WWOX: variants seen among roughly 807,000 people sequenced by gnomAD.
WWOX encodes the protein WW domain-containing oxidoreductase.
A neutral mutation model predicts 46.2 loss-of-function variants in WWOX; 69 were observed. That is an observed-to-expected ratio of 1.49 (90% confidence interval 1.23 to 1.82). The LOEUF (loss-of-function observed/expected upper bound fraction) is 1.82. WWOX is among the 40% of genes most tolerant of loss of function. The pLI, the probability that WWOX is intolerant of heterozygous loss-of-function variation, is 0.00. For synonymous variants in WWOX, 359 were observed against 202.6 expected (o/e 1.77, Z -6.56); for missense variants, 919 against 542.6 (o/e 1.69, Z -6.89).
intron 8 of WWOX, among the ~76,000 whole-genome samples, chr16:78,790,252 A>G (rs1177924119): frequency 6.6e-6 from 1 of 152,022 alleles, no homozygotes; most frequent in Non-Finnish European, 1.5e-5. Flanking sequence ...GTCCTGCCTC[A>G]GCCTCCCTAG....
intron 8 of WWOX, among the ~76,000 whole-genome samples, chr16:78,869,353 A>C (rs891048538): frequency 1.3e-5 from 2 of 152,182 alleles, no homozygotes; most frequent in South Asian, 2.1e-4. Flanking sequence ...TTTTCCAAGC[A>C]TCCAGACTGC....
intron 8 of WWOX, among the ~76,000 whole-genome samples, chr16:78,987,825 ACTTTCCCAC>A (rs2046810765): frequency 6.6e-6 from 1 of 152,138 alleles, no homozygotes; most frequent in African/African-American, 2.4e-5. Context: ...TTCCAGCAGG[ACTTTCCCAC>A]CTTGCTGTTT....
chr16:79,001,896 G>C (rs1293208313), intron 8 of WWOX, among the ~76,000 whole-genome samples: 3 of 152,082 alleles, frequency 2.0e-5, no homozygotes, highest in Non-Finnish European at 4.4e-5. Flanking sequence ...CAACCTCTTG[G>C]CTTATCTTAA....
intron 8 of WWOX, among the ~76,000 whole-genome samples, chr16:78,655,052 C>G (rs918494661): frequency 6.6e-6 from 1 of 152,092 alleles, no homozygotes; most frequent in African/African-American, 2.4e-5. Flanking sequence ...GTGCCTTTCC[C>G]CAAGTCTTCT....
At chr16:78,704,931 T>TC (rs1281658120) in intron 8 of WWOX, among the ~76,000 whole-genome samples, 2 of 151,496 alleles carry the variant, frequency 1.3e-5, no homozygotes, top group Admixed American at 1.3e-4. Context: ...TTTTTTTTTT[T>TC]TTTAAAGAGG....
chr16:78,931,865 G>C (rs1030162974), intron 8 of WWOX, among the ~76,000 whole-genome samples: 2 of 152,182 alleles, frequency 1.3e-5, no homozygotes, highest in African/African-American at 4.8e-5. Flanking sequence ...TTTGAATCGT[G>C]GGAGGTAATT....
At chr16:78,973,562 G>A (rs2046513805) in intron 8 of WWOX, among the ~76,000 whole-genome samples, 2 of 151,966 alleles carry the variant, frequency 1.3e-5, no homozygotes, top group South Asian at 4.2e-4. Flanking sequence ...TCTTTTTTTG[G>A]GGGCAGGGGG....
At chr16:78,523,194 G>C in intron 8 of WWOX, among the ~76,000 whole-genome samples, 1 of 152,342 alleles carries the variant, frequency 6.6e-6, no homozygotes, top group East Asian at 1.9e-4. Context: ...GGCAGTAATA[G>C]TAATAATTAC....
intron 5 of WWOX, among the ~76,000 whole-genome samples, chr16:78,332,261 C>G (rs1002372067): frequency 6.6e-6 from 1 of 152,196 alleles, no homozygotes; most frequent in African/African-American, 2.4e-5. Flanking sequence ...GATGGATCTA[C>G]TATTTTAGAA....
chr16:78,949,841 T>C (rs1462978319), intron 8 of WWOX, among the ~76,000 whole-genome samples: 1 of 152,246 alleles, frequency 6.6e-6, no homozygotes, highest in East Asian at 1.9e-4. Flanking sequence ...TTCTGACATG[T>C]CACTCCACAT....
intron 8 of WWOX, among the ~76,000 whole-genome samples, chr16:78,587,077 G>C (rs1272897323): frequency 6.6e-6 from 1 of 151,914 alleles, no homozygotes; most frequent in Non-Finnish European, 1.5e-5. Flanking sequence ...CCAGGCTGGA[G>C]TGCAGTGGCG....
chr16:78,981,085 C>T (rs112290998), intron 8 of WWOX, among the ~76,000 whole-genome samples: 1 of 152,200 alleles, frequency 6.6e-6, no homozygotes, highest in African/African-American at 2.4e-5. Context: ...GAGCCTCATT[C>T]GAGTTCTTCC....
At position 78,332,396 on chromosome 16, in the gene WWOX, A is replaced by AGG. The variant is rs1164461796; in HGVS notation, c.517-54462_517-54461dup. Reference sequence around the variant, plus strand: ...ATGGGTATTTCCTCTGTGCAATCTGAGGGCACGGGACACTCCTCCAGCGGA... The same window carrying AGG: ...ATGGGTATTTCCTCTGTGCAATCTGAGGGGGCACGGGACACTCCTCCAGCGGA... On this transcript the variant is annotated intron_variant, in intron 5 of 8. Coordinates refer to ENST00000566780, the MANE Select transcript of WWOX (RefSeq NM_016373.4). 9.2e-5 allele frequency among the ~76,000 whole-genome samples: 14 copies of AGG among 152,280 alleles called. No homozygotes were observed. In the East Asian group the frequency reaches 2.7e-3, roughly 29 times the overall value.
chr16:79,049,655 G>C (rs944106139), intron 8 of WWOX, among the ~76,000 whole-genome samples: 2 of 152,038 alleles, frequency 1.3e-5, no homozygotes, highest in Admixed American at 1.3e-4. Context: ...GGCCATGATG[G>C]CGAAACCCCG....
At chr16:78,557,688 G>GATTTTTTTTTTTTTT (rs2044336234) in intron 8 of WWOX, among the ~76,000 whole-genome samples, 1 of 107,108 alleles carries the variant, frequency 9.3e-6, no homozygotes, top group African/African-American at 6.0e-5. Flanking sequence ...TCTAGGGAAG[G>GATTTTTTTTTTTTTT]ATTTTTTTTT....
chr16:78,650,864 T>G (rs1190167519), intron 8 of WWOX, among the ~76,000 whole-genome samples: 1 of 152,194 alleles, frequency 6.6e-6, no homozygotes, highest in Non-Finnish European at 1.5e-5. Context: ...TATTTCGGAT[T>G]TATATTATTG....
At chr16:79,135,760 G>A (rs907786073) in intron 8 of WWOX, among the ~76,000 whole-genome samples, 9 of 151,970 alleles carry the variant, frequency 5.9e-5, no homozygotes, top group South Asian at 4.1e-4. Flanking sequence ...GCTATCAGTC[G>A]TGTAAAAAAA....
intron 8 of WWOX, among the ~76,000 whole-genome samples, chr16:78,879,222 G>C (rs1031358914): frequency 6.6e-6 from 1 of 152,210 alleles, no homozygotes; most frequent in African/African-American, 2.4e-5. Flanking sequence ...TCTGGAAAAA[G>C]AGCTGGTTGG....
chr16:79,122,108 G>T (rs1334267110), intron 8 of WWOX, among the ~76,000 whole-genome samples: 1 of 152,132 alleles, frequency 6.6e-6, no homozygotes, highest in African/African-American at 2.4e-5. Flanking sequence ...AGGTGCTGAC[G>T]GGGCTGTTCC....
Sources: gnomAD v4.1 joint callset for allele counts (sites outside exome capture counted in the v4.1 genomes callset) on GRCh38, gnomAD v4.1.1 for gene constraint, MANE v1.5 for transcripts, NCBI Gene and HGNC (gene_info 2026-07-23, HGNC 2026-07-21) for gene names.